Variants in TPCN2 observed in about 807,000 individuals in gnomAD.
TPCN2 encodes two pore channel protein 2.
A neutral mutation model predicts 111.4 loss-of-function variants in TPCN2; 92 were observed. The ratio of observed to expected loss-of-function variants is 0.83; its 90% confidence interval spans 0.70 to 0.98. TPCN2 has a LOEUF of 0.98. Among genes scored for constraint, TPCN2 ranks in the 50% least tolerant of loss-of-function variants. The pLI is 0.00. For synonymous variants in TPCN2, 405 were observed against 414.5 expected, an observed-to-expected ratio of 0.98 and a Z score of 0.28; for missense variants, 995 against 980.1, an observed-to-expected ratio of 1.02 and a Z score of -0.20.
At chr11:69,061,302 A>G (rs1256081388) in intron 5 of TPCN2, among the ~76,000 whole-genome samples, 1 of 152,038 alleles carries the variant, frequency 6.6e-6, no homozygotes, top group East Asian at 1.9e-4. Context: ...AGGTCTGGGA[A>G]GGGGCTGGAC....
intron 5 of TPCN2, among the ~76,000 whole-genome samples, chr11:69,060,680 G>A (rs1231501109): frequency 6.6e-6 from 1 of 152,192 alleles, no homozygotes; most frequent in Non-Finnish European, 1.5e-5. Flanking sequence ...CTCAGGTTGG[G>A]CTCTTGTGTC....
At position 69,085,270 on chromosome 11, in the gene TPCN2, C is replaced by T. The variant is rs1565096174; in HGVS notation, c.1822C>T (p.Leu608Phe). Residue 608 changes from leucine to phenylalanine, a missense_variant, in exon 20 of 25, where the codon CTT (leucine) becomes TTT (phenylalanine). Coordinates refer to ENST00000294309, the MANE Select transcript of TPCN2 (RefSeq NM_139075.4). Reference sequence around the variant, plus strand: ...CTTGTTTAGAGGCGTCATTGTGGCTCTTCCTGGAAACAGCAGGTGAGGTGG... The same window carrying T: ...CTTGTTTAGAGGCGTCATTGTGGCTTTTCCTGGAAACAGCAGGTGAGGTGG... ...INLFRGVIVA[L>F]PGNSSLAPAN... is the part of the protein sequence containing the mutation. The T allele has an allele frequency of 1.3e-6, 2 of 1,582,958 alleles. No homozygotes were observed. Among genetic ancestry groups the T allele is most frequent in the African/African-American group, 2.7e-5 (2 of 73,680 alleles).
chr11:69,085,604 G>C, intron 20 of TPCN2, 67 bp from the exon 21 acceptor site: 1 of 1,050,002 alleles, frequency 9.5e-7, no homozygotes, highest in Non-Finnish European at 1.5e-6. Flanking sequence ...AGAGGAAAGG[G>C]GTGTAAGGTA....
chr11:69,085,806 ACCTCCTGGGC>A (rs1856248309), intron 21 of TPCN2, 32 bp from the exon 22 acceptor site: 3 of 1,611,574 alleles, frequency 1.9e-6, no homozygotes, highest in African/African-American at 2.7e-5. Context: ...TCCCCTCCCT[ACCTCCTGGGC>A]CCTCCTGGAC....
chr11:69,067,742 T>C, intron 8 of TPCN2, 137 bp downstream of exon 8: 1 of 646,104 alleles, frequency 1.5e-6, no homozygotes, highest in Non-Finnish European at 2.6e-6. Context: ...AAGGGTGACA[T>C]TTTCCTTCCT....
intron 1 of TPCN2, among the ~76,000 whole-genome samples, chr11:69,051,980 G>A (rs1266947987): frequency 6.6e-6 from 1 of 152,210 alleles, no homozygotes; most frequent in Non-Finnish European, 1.5e-5. Context: ...AAGCTGCGAT[G>A]TGCTTCTGAG....
intron 1 of TPCN2, among the ~76,000 whole-genome samples, chr11:69,050,837 T>C (rs1861192478): frequency 6.6e-6 from 1 of 152,198 alleles, no homozygotes; most frequent in South Asian, 2.1e-4. Flanking sequence ...TCTGTGATCA[T>C]TGCAGGTCCT....
chr11:69,049,881 C>T (rs1861143896), intron 1 of TPCN2, among the ~76,000 whole-genome samples: 1 of 152,196 alleles, frequency 6.6e-6, no homozygotes, highest in African/African-American at 2.4e-5. Flanking sequence ...CTTAGCTTCA[C>T]TTCACAGATG....
chr11:69,070,407 C>A lies in TPCN2; in HGVS notation c.830-23C>A, dbSNP rs375537583. Reference sequence around the variant, plus strand: ...GATCAGGTACTGAGGTTGTCAGTTTCTGTTATTTCTTTTTTCTTTTAGTGA... The same window carrying A: ...GATCAGGTACTGAGGTTGTCAGTTTATGTTATTTCTTTTTTCTTTTAGTGA... On this transcript the variant is annotated intron_variant, in intron 8 of 24. Coordinates refer to ENST00000294309, the MANE Select transcript of TPCN2 (RefSeq NM_139075.4). 20 of 1,597,330 alleles carry A rather than the reference C, an allele frequency of 1.3e-5. No homozygotes were observed. In the African/African-American group the frequency reaches 1.7e-4, roughly 14 times the overall value.
intron 23 of TPCN2, among the ~76,000 whole-genome samples, 164 bp downstream of exon 23, chr11:69,086,768 T>C (rs1856292990): frequency 9.1e-6 from 1 of 109,854 alleles, no homozygotes. Flanking sequence ...TGGGGCTCAG[T>C]GCTGCCCGCC....
chr11:69,058,285 G>A lies in TPCN2; in HGVS notation c.546+591G>A, dbSNP rs554792902. On this transcript the variant is annotated intron_variant, in intron 5 of 24. Coordinates refer to ENST00000294309, the MANE Select transcript of TPCN2 (RefSeq NM_139075.4). ...TGCCTTGTGGAGAGAATGAACAGAGGGCCTTAAACAGGCTCCGAGAAACCA... is the reference window on the plus strand; with the variant it reads ...TGCCTTGTGGAGAGAATGAACAGAGAGCCTTAAACAGGCTCCGAGAAACCA... Among the ~76,000 whole-genome samples, 548 of 152,296 alleles carry A rather than the reference G, an allele frequency of 3.6e-3. 4 individuals carry two copies. Among genetic ancestry groups the A allele is most frequent in the African/African-American group, 0.012 (504 of 41,566 alleles).
intron 18 of TPCN2, among the ~76,000 whole-genome samples, chr11:69,081,815 G>A (rs1249985486): frequency 2.0e-5 from 3 of 152,130 alleles, no homozygotes; most frequent in Admixed American, 2.0e-4. Context: ...AGGTCTCTGA[G>A]GTTCCCAGAA....
chr11:69,057,509 C>T (rs1854827177), intron 4 of TPCN2, 69 bp from the exon 5 acceptor site: 2 of 1,442,222 alleles, frequency 1.4e-6, no homozygotes, highest in South Asian at 1.1e-5. Flanking sequence ...GCGCTGCGCA[C>T]CGTCATTCTC....
rs763635872 is a variant in TPCN2, at chr11:69,055,270, CT to C, written c.348del (p.Trp118GlyfsTer7). The C allele has an allele frequency of 1.4e-5, 22 of 1,614,146 alleles. No individual in the cohort carries two copies. The highest frequency in any genetic ancestry group is 1.8e-5 in the Non-Finnish European group (21 of 1,180,000). On this transcript the variant is annotated frameshift_variant, in exon 4 of 25. Coordinates refer to ENST00000294309, the MANE Select transcript of TPCN2 (RefSeq NM_139075.4). LOFTEE classifies it high-confidence loss of function. The stretch of plus-strand genomic sequence containing the variant: ...ACGGCGGACGTGCGCTACCGCGCTG[CT>C]CCCTGGGAGCCGCCCTGCGGCCTGA... ...TSTADVRYRA[A>X]PWEPPCGLTE...
chr11:69,061,330 TC>T (rs61232448), intron 5 of TPCN2, among the ~76,000 whole-genome samples: 1 of 152,166 alleles, frequency 6.6e-6, no homozygotes, highest in Non-Finnish European at 1.5e-5. Flanking sequence ...CTGGGCCTGT[TC>T]CGTGGACCCC....
At chr11:69,079,265 A>G in intron 16 of TPCN2, 1 of 514,040 alleles carries the variant, frequency 1.9e-6, no homozygotes, top group South Asian at 3.1e-5. Flanking sequence ...GCCCCTCCCG[A>G]CCCCCAGGGG....
intron 10 of TPCN2, 133 bp from the exon 11 acceptor site, chr11:69,071,790 G>T (rs1308239017): frequency 1.3e-6 from 1 of 759,668 alleles, no homozygotes; most frequent in Non-Finnish European, 2.2e-6. Context: ...GCTGCCCCCA[G>T]GCTGTGGGGA....
chr11:69,050,973 T>C (rs1474278177), intron 1 of TPCN2, among the ~76,000 whole-genome samples: 1 of 152,220 alleles, frequency 6.6e-6, no homozygotes, highest in East Asian at 1.9e-4. Context: ...GGACGCTCTG[T>C]GTTCTGAATC....
intron 8 of TPCN2, 26 bp from the exon 9 acceptor site, chr11:69,070,404 T>G (rs1304697638): frequency 6.3e-7 from 1 of 1,589,630 alleles, no homozygotes; most frequent in South Asian, 1.1e-5. Context: ...AGGTTGTCAG[T>G]TTCTGTTATT....
Sources: gnomAD v4.1 joint callset for allele counts (sites outside exome capture counted in the v4.1 genomes callset) on GRCh38, gnomAD v4.1.1 for gene constraint, MANE v1.5 for transcripts, NCBI Gene and HGNC (gene_info 2026-07-23, HGNC 2026-07-21) for gene names.